ATF1: variants seen among roughly 807,000 people sequenced by gnomAD.
The protein encoded by ATF1 is cyclic AMP-dependent transcription factor ATF-1.
ATF1 carries 16 observed loss-of-function variants against 34.7 expected under a neutral mutation model. The observed-to-expected ratio is 0.46, with a 90% CI of 0.31 to 0.70. The LOEUF (loss-of-function observed/expected upper bound fraction) is 0.70, where lower values mean the gene tolerates loss of function less well. ATF1 is among the 30% of genes least tolerant of loss of function. The probability of loss-of-function intolerance (pLI) is 0.05; values close to 1 mark genes in which losing one functional copy is unlikely to be tolerated. For missense variants in ATF1, 255 were observed against 321.6 expected, an observed-to-expected ratio of 0.79 and a Z score of 1.58; for synonymous variants, 105 against 113.1, an observed-to-expected ratio of 0.93 and a Z score of 0.46.
chr12:50,778,195 C>T (rs1940972921), intron 1 of ATF1, among the ~76,000 whole-genome samples: 1 of 148,546 alleles, frequency 6.7e-6, no homozygotes, highest in Non-Finnish European at 1.5e-5. Context: ...AGATCATGGG[C>T]GTGAGCCACC....
chr12:50,784,890 TTTATTTA>T (rs1482790183), intron 2 of ATF1, among the ~76,000 whole-genome samples: 1 of 150,826 alleles, frequency 6.6e-6, no homozygotes, highest in African/African-American at 2.4e-5. Flanking sequence ...TATTTATTTA[TTTATTTA>T]TTATTTATTA....
intron 3 of ATF1, among the ~76,000 whole-genome samples, chr12:50,801,285 A>T (rs1203475182): frequency 1.3e-5 from 2 of 152,218 alleles, no homozygotes; most frequent in Non-Finnish European, 2.9e-5. Context: ...AGACTATAAA[A>T]AGCTAGGTAT....
At chr12:50,774,088 T>C (rs1341480249) in intron 1 of ATF1, among the ~76,000 whole-genome samples, 1 of 151,852 alleles carries the variant, frequency 6.6e-6, no homozygotes, top group South Asian at 2.1e-4. Flanking sequence ...CTGGAGTGCA[T>C]TGGCACTATC....
chr12:50,766,710 C>T (rs1940645200), intron 1 of ATF1, among the ~76,000 whole-genome samples: 1 of 150,128 alleles, frequency 6.7e-6, no homozygotes, highest in African/African-American at 2.4e-5. Flanking sequence ...GAAAAGGTCC[C>T]TTTGCTGCGT....
At chr12:50,795,836 T>TC in intron 2 of ATF1, 73 bp from the exon 3 acceptor site, 1 of 1,189,468 alleles carries the variant, frequency 8.4e-7, no homozygotes, top group Non-Finnish European at 1.2e-6. Flanking sequence ...ATCATTTTTT[T>TC]CTAAAAGTAA....
chr12:50,764,324 G>C lies in ATF1; in HGVS notation c.-7+17G>C, dbSNP rs1940567783. ...CAGCCACAGGTAAGTGGGGGGCGGG[G>C]AGGGACGTGCCCCGTGGCCCGGGCG... On this transcript the variant is annotated intron_variant, in intron 1 of 6. Transcript: ENST00000262053. The C allele has an allele frequency of 6.6e-6, 1 of 151,974 alleles. No homozygotes were observed. The highest frequency in any genetic ancestry group is 1.5e-5 in the Non-Finnish European group (1 of 67,970). 9.4% of individuals were successfully genotyped at this position (151,974 alleles called of 1,614,324 possible). A position where few individuals can be genotyped will look rare whatever the true frequency, so the allele number is the denominator to read the frequency against.
intron 6 of ATF1, among the ~76,000 whole-genome samples, chr12:50,814,820 CTT>C (rs35936124): frequency 1.0e-3 from 143 of 140,588 alleles, no homozygotes; most frequent in East Asian, 1.2e-3. Context: ...ATACCTTCTA[CTT>C]TTTTTTTTTT....
chr12:50,814,186 G>T lies in ATF1; in HGVS notation c.505G>T (p.Val169Leu), dbSNP rs762062238. 1 of 1,613,736 alleles carries T rather than the reference G, an allele frequency of 6.2e-7. No homozygotes were observed. Among genetic ancestry groups the T allele is most frequent in the Non-Finnish European group, 8.5e-7 (1 of 1,179,782 alleles). ...ACTTGTGCCCAGCAATCAGGTGGTC[G>T]TACAAAGTAAGTATGCTTTCTGTCT... The part of the protein sequence containing the change: ...QILVPSNQVV[V>L]QTASGDMQTY... The change falls in exon 5 of 7, where the codon GTA becomes TTA. Residue 169 changes from valine to leucine, a missense_variant. Physicochemically the swap from Val to Leu is conservative, Grantham distance 32. Around this residue, in one of 2 missense-constraint regions of ATF1, gnomAD observed 221 missense variants for 250.7 expected, o/e 0.88. Transcript: ENST00000262053.
upstream of ATF1, chr12:50,763,870 C>G (rs978844449): frequency 6.6e-6 from 1 of 152,174 alleles, no homozygotes; most frequent in Non-Finnish European, 1.5e-5. Flanking sequence ...CCGCAGGCAC[C>G]GTCCCTCTCC....
At chr12:50,802,268 G>A (rs1941526534) in intron 3 of ATF1, among the ~76,000 whole-genome samples, 1 of 152,246 alleles carries the variant, frequency 6.6e-6, no homozygotes, top group Admixed American at 6.5e-5. Context: ...GCTCATGCCT[G>A]TAATCCCAAC....
At chr12:50,796,784 A>G (rs1308247620) in intron 3 of ATF1, among the ~76,000 whole-genome samples, 1 of 152,200 alleles carries the variant, frequency 6.6e-6, no homozygotes, top group Non-Finnish European at 1.5e-5. Flanking sequence ...CCTAAATGTT[A>G]AGACCTGAAA....
intron 1 of ATF1, among the ~76,000 whole-genome samples, chr12:50,769,488 A>T (rs1166766407): frequency 1.3e-5 from 2 of 151,980 alleles, no homozygotes; most frequent in East Asian, 3.8e-4. Flanking sequence ...AGCCTGGGTG[A>T]CAGAGCGAGA....
Position 50,780,143 on chromosome 12 carries a change from AT to A in ATF1, c.-1del. 1.9e-6 allele frequency: 3 copies of A among 1,607,898 alleles called. No individual in the cohort carries two copies. The highest frequency in any genetic ancestry group is 2.6e-6 in the Non-Finnish European group (3 of 1,174,832). On this transcript the variant is annotated 5_prime_UTR_variant, in exon 2 of 7. Coordinates refer to ENST00000262053, the MANE Select transcript of ATF1 (RefSeq NM_005171.5). ...CGGACTTTTTTCCCCCTTATAGTTG[AT>A]TATGGAAGATTCCCACAAGAGTACC...
chr12:50,819,127 C>G (rs1368778533), intron 6 of ATF1, among the ~76,000 whole-genome samples: 1 of 152,240 alleles, frequency 6.6e-6, no homozygotes, highest in Non-Finnish European at 1.5e-5. Context: ...GGCACAAAAA[C>G]ATGCCTATGC....
chr12:50,766,774 C>G (rs1940646955), intron 1 of ATF1, among the ~76,000 whole-genome samples: 1 of 151,796 alleles, frequency 6.6e-6, no homozygotes. Context: ...GGTCTTTTCT[C>G]TGGCCTCCCT....
At chr12:50,789,990 C>T (rs1941267451) in intron 2 of ATF1, among the ~76,000 whole-genome samples, 1 of 152,104 alleles carries the variant, frequency 6.6e-6, no homozygotes, top group African/African-American at 2.4e-5. Context: ...ACCTGACAGA[C>T]CCATAGCCTG....
intron 6 of ATF1, among the ~76,000 whole-genome samples, 154 bp from the exon 7 acceptor site, chr12:50,819,477 AACTG>A (rs1463126101): frequency 6.6e-6 from 1 of 152,236 alleles, no homozygotes; most frequent in African/African-American, 2.4e-5. Flanking sequence ...CAATTGCCAA[AACTG>A]ACTGAATTCT....
chr12:50,768,259 G>A (rs1365034272), intron 1 of ATF1, among the ~76,000 whole-genome samples: 4 of 152,094 alleles, frequency 2.6e-5, no homozygotes, highest in African/African-American at 9.7e-5. Flanking sequence ...GCATGACTTT[G>A]TCTATTCTCT....
intron 1 of ATF1, among the ~76,000 whole-genome samples, chr12:50,767,389 G>A (rs1437411951): frequency 1.3e-5 from 2 of 152,068 alleles, no homozygotes; most frequent in Non-Finnish European, 2.9e-5. Flanking sequence ...GTGTGGTGGC[G>A]TGCGCCTGTA....
Sources: gnomAD v4.1 joint callset for allele counts (sites outside exome capture counted in the v4.1 genomes callset) on GRCh38, gnomAD v4.1.1 for gene constraint, gnomAD v4.1.1 regional missense constraint, MANE v1.5 for transcripts, NCBI Gene and HGNC (gene_info 2026-07-23, HGNC 2026-07-21) for gene names.